The following DUSP29 variants were observed in gnomAD, a reference collection of about 807,000 sequenced individuals.
DUSP29 encodes dual specificity phosphatase 29.
DUSP29 carries 12 observed loss-of-function variants against 13.5 expected under a neutral mutation model. That is an observed-to-expected ratio of 0.89 (90% confidence interval 0.57 to 1.44). The LOEUF (loss-of-function observed/expected upper bound fraction) is 1.44. Among genes scored for constraint, DUSP29 ranks in the 40% most tolerant of loss-of-function variants. The probability of loss-of-function intolerance (pLI) is 0.00; values close to 1 mark genes in which losing one functional copy is unlikely to be tolerated. For synonymous variants in DUSP29, 134 were observed against 128.7 expected (o/e 1.04, Z -0.28); for missense variants, 308 against 301.1 (o/e 1.02, Z -0.17).
intron 1 of DUSP29, among the ~76,000 whole-genome samples, chr10:75,069,383 G>A (rs1440969362): frequency 2.0e-5 from 3 of 152,156 alleles, no homozygotes; most frequent in Non-Finnish European, 2.9e-5. Flanking sequence ...CTAAGCAGCT[G>A]GGCCTTCACT....
At chr10:75,050,254 A>G (rs1846797816) in intron 2 of DUSP29, among the ~76,000 whole-genome samples, 1 of 152,258 alleles carries the variant, frequency 6.6e-6, no homozygotes, top group Admixed American at 6.5e-5. Flanking sequence ...GAACGAGATT[A>G]AAGTGAGAAT....
intron 2 of DUSP29, among the ~76,000 whole-genome samples, chr10:75,052,125 A>C (rs752281898): frequency 5.3e-5 from 8 of 152,136 alleles, no homozygotes; most frequent in Non-Finnish European, 1.2e-4. Flanking sequence ...AACATCAAGG[A>C]GGCAAGCATA....
chr10:75,056,285 C>T (rs1051431334), intron 2 of DUSP29, among the ~76,000 whole-genome samples: 6 of 151,828 alleles, frequency 4.0e-5, no homozygotes, highest in South Asian at 2.1e-4. Context: ...CCCAGCACTT[C>T]GGGAGGCTGA....
intron 1 of DUSP29, among the ~76,000 whole-genome samples, chr10:75,068,565 C>T (rs4745762): frequency 2.0e-5 from 3 of 151,688 alleles, no homozygotes; most frequent in Non-Finnish European, 4.4e-5. Flanking sequence ...TAAAGCATGG[C>T]GCTCATGGGG....
intron 1 of DUSP29, among the ~76,000 whole-genome samples, chr10:75,065,472 G>T (rs1847180589): frequency 6.6e-6 from 1 of 151,926 alleles, no homozygotes; most frequent in South Asian, 2.1e-4. Flanking sequence ...GACACTACAG[G>T]CACCCGCCAC....
chr10:75,038,280 A>C (rs1291585475), intron 3 of DUSP29, among the ~76,000 whole-genome samples: 1 of 152,088 alleles, frequency 6.6e-6, no homozygotes, highest in African/African-American at 2.4e-5. Flanking sequence ...CCCTGTAAAT[A>C]ACTCGATTTT....
chr10:75,065,300 C>T (rs1305465320), intron 1 of DUSP29, among the ~76,000 whole-genome samples: 2 of 152,106 alleles, frequency 1.3e-5, no homozygotes, highest in Non-Finnish European at 2.9e-5. Context: ...ACCCTTGAGG[C>T]TGCAGAGATT....
chr10:75,061,031 G>C (rs148605953), intron 1 of DUSP29, among the ~76,000 whole-genome samples: 100 of 152,278 alleles, frequency 6.6e-4, no homozygotes, highest in Non-Finnish European at 1.2e-3. Flanking sequence ...ATGGTTATAA[G>C]GTAGTTGTTG....
chr10:75,047,832 A>T (rs1045016365), intron 2 of DUSP29, among the ~76,000 whole-genome samples: 3 of 152,218 alleles, frequency 2.0e-5, no homozygotes, highest in African/African-American at 7.2e-5. Context: ...CTGGAGATAA[A>T]GGCTATTGTT....
At chr10:75,049,782 A>G (rs2134288615) in intron 2 of DUSP29, among the ~76,000 whole-genome samples, 1 of 152,172 alleles carries the variant, frequency 6.6e-6, no homozygotes, top group Admixed American at 6.5e-5. Flanking sequence ...TTCACTTCCC[A>G]GGCTCTCAAC....
intron 3 of DUSP29, among the ~76,000 whole-genome samples, chr10:75,042,709 A>C (rs1481997046): frequency 6.6e-6 from 1 of 152,286 alleles, no homozygotes; most frequent in African/African-American, 2.4e-5. Flanking sequence ...ATTGTCCAGC[A>C]GACCTGGCCT....
At chr10:75,050,020 C>T (rs1846793196) in intron 2 of DUSP29, among the ~76,000 whole-genome samples, 1 of 152,218 alleles carries the variant, frequency 6.6e-6, no homozygotes, top group Non-Finnish European at 1.5e-5. Context: ...ATTCCATGAG[C>T]AGCAGAAGTT....
chr10:75,053,443 A>G (rs1035866889), intron 2 of DUSP29, among the ~76,000 whole-genome samples: 3 of 152,232 alleles, frequency 2.0e-5, no homozygotes, highest in Non-Finnish European at 4.4e-5. Context: ...ATACTACTCT[A>G]GCATTTGTTT....
At chr10:75,045,444 A>T (rs181956384) in intron 2 of DUSP29, among the ~76,000 whole-genome samples, 1 of 152,324 alleles carries the variant, frequency 6.6e-6, no homozygotes, top group East Asian at 1.9e-4. Context: ...AAACAAAGAT[A>T]ATTTTAGATA....
intron 1 of DUSP29, among the ~76,000 whole-genome samples, chr10:75,063,542 C>A (rs920617598): frequency 2.6e-5 from 4 of 152,024 alleles, no homozygotes; most frequent in Admixed American, 2.0e-4. Flanking sequence ...CTTCCTCAAC[C>A]CTGAGTGGAC....
chr10:75,073,199 C>G (rs1306748887), intron 1 of DUSP29, among the ~76,000 whole-genome samples: 1 of 152,124 alleles, frequency 6.6e-6, no homozygotes, highest in Non-Finnish European at 1.5e-5. Flanking sequence ...GGGCCTCTCT[C>G]TCTCTCGCCC....
intron 2 of DUSP29, among the ~76,000 whole-genome samples, chr10:75,056,666 C>CAA (rs1163559205): frequency 2.4e-5 from 3 of 125,182 alleles, no homozygotes; most frequent in Non-Finnish European, 1.7e-5. Flanking sequence ...GACTCCATCT[C>CAA]AAAAAAAAAA....
At chr10:75,060,468 TAA>T (rs56741186) in intron 1 of DUSP29, among the ~76,000 whole-genome samples, 45,654 of 124,284 alleles carry the variant, frequency 0.37, 7,670 homozygotes, top group East Asian at 0.69. Context: ...TGAGACCTTA[TAA>T]AAAAAAAAAA....
chr10:75,069,479 T>G (rs1374516913), intron 1 of DUSP29, among the ~76,000 whole-genome samples: 1 of 152,192 alleles, frequency 6.6e-6, no homozygotes, highest in African/African-American at 2.4e-5. Context: ...GCCTTCCTTG[T>G]TCGGGGAAGG....
Sources: allele counts gnomAD v4.1 joint callset (sites outside exome capture counted in the v4.1 genomes callset), GRCh38; gene constraint gnomAD v4.1.1; transcripts MANE v1.5; gene names NCBI Gene and HGNC (gene_info 2026-07-23, HGNC 2026-07-21).